IDE: variants seen among roughly 807,000 people sequenced by gnomAD.
IDE encodes the protein insulin-degrading enzyme.
Under a neutral mutation model 133.2 loss-of-function variants are expected in IDE, and 58 were observed. The ratio of observed to expected loss-of-function variants is 0.44; its 90% confidence interval spans 0.35 to 0.54. The LOEUF is 0.54. Among genes scored for constraint, IDE ranks in the 20% least tolerant of loss-of-function variants. IDE has a pLI of 0.00. For missense variants in IDE, 981 were observed against 1,234.0 expected, an observed-to-expected ratio of 0.79 and a Z score of 3.07; for synonymous variants, 396 against 421.3, an observed-to-expected ratio of 0.94 and a Z score of 0.73.
In IDE at chr10:92,453,050, A is replaced by T. The variant is rs1844827135; in HGVS notation, c.*1394T>A. On this transcript the variant is annotated 3_prime_UTR_variant, in exon 25 of 25. Transcript: ENST00000265986. ...AAAACTTAAGATGTGAAAAGGTATG[A>T]CTTTACAGAAGAAAGTCCTAGCCAA... 6.6e-6 allele frequency: 1 copy of T among 152,196 alleles called. No individual in the cohort carries two copies. The highest frequency in any genetic ancestry group is 2.4e-5 in the African/African-American group (1 of 41,450). 9.4% of individuals were successfully genotyped at this position (152,196 alleles called of 1,614,324 possible).
chr10:92,505,020 TC>T (rs576599903), intron 10 of IDE, 123 bp from the exon 11 acceptor site: 62 of 530,756 alleles, frequency 1.2e-4, no homozygotes, highest in African/African-American at 1.1e-3. Context: ...TAAATTTTAC[TC>T]CATTGGAAAA....
At chr10:92,503,821 C>T (rs1284811955) in intron 11 of IDE, among the ~76,000 whole-genome samples, 3 of 151,282 alleles carry the variant, frequency 2.0e-5, no homozygotes, top group Non-Finnish European at 4.4e-5. Flanking sequence ...TGGGTTCAAG[C>T]GATTCTCCTG....
chr10:92,535,127 G>A (rs1315321411), intron 2 of IDE, among the ~76,000 whole-genome samples: 1 of 151,856 alleles, frequency 6.6e-6, no homozygotes, highest in Admixed American at 6.6e-5. Flanking sequence ...TTTTTGAGAC[G>A]GAGTCTTGCT....
chr10:92,553,199 G>A (rs746048792), intron 1 of IDE, among the ~76,000 whole-genome samples: 64 of 152,062 alleles, frequency 4.2e-4, no homozygotes, highest in African/African-American at 1.1e-3. Context: ...TGAGGAAGGC[G>A]GATCACCTGA....
intron 1 of IDE, chr10:92,572,938 G>T: frequency 1.0e-6 from 1 of 985,216 alleles, no homozygotes. Flanking sequence ...AATTCCCGTG[G>T]CATCCCAATC....
chr10:92,568,401 T>C (rs1481489764), intron 1 of IDE, among the ~76,000 whole-genome samples: 1 of 152,058 alleles, frequency 6.6e-6, no homozygotes, highest in African/African-American at 2.4e-5. Context: ...TCAGAAAAGT[T>C]TGCAATAAAG....
In IDE at chr10:92,470,678, T is replaced by C. The variant is rs184920240; in HGVS notation, c.2117-333A>G. On this transcript the variant is annotated intron_variant, in intron 17 of 24. Transcript: ENST00000265986. ...CTCTGACAGTTTCTCAGTCCTTCCATATATTTCATGATCTTAAGACTTTTG... is the reference window on the plus strand; with the variant it reads ...CTCTGACAGTTTCTCAGTCCTTCCACATATTTCATGATCTTAAGACTTTTG... Among the ~76,000 whole-genome samples the C allele has an allele frequency of 1.5e-3, 233 of 152,348 alleles. 2 individuals carry two copies. The highest frequency in any genetic ancestry group is 2.4e-3 in the Non-Finnish European group (166 of 68,038).
At chr10:92,550,517 G>A (rs1002299279) in intron 1 of IDE, among the ~76,000 whole-genome samples, 1 of 131,584 alleles carries the variant, frequency 7.6e-6, no homozygotes, top group Non-Finnish European at 1.8e-5. Context: ...CGGGTGTGGT[G>A]GCAGGTGCCT....
At chr10:92,546,139 G>C (rs770225884) in intron 1 of IDE, among the ~76,000 whole-genome samples, 20 of 152,172 alleles carry the variant, frequency 1.3e-4, no homozygotes, top group Non-Finnish European at 2.2e-4. Flanking sequence ...AAAGAGGCTA[G>C]ACACAAAAGA....
rs548379215 is a variant in IDE at position 92,550,956 on chromosome 10, G to A, written c.99-13406C>T. 9.2e-5 allele frequency among the ~76,000 whole-genome samples: 14 copies of A among 152,320 alleles called. No homozygotes were observed. In the South Asian group the frequency reaches 2.7e-3, roughly 29 times the overall value. On this transcript the variant is annotated intron_variant, in intron 1 of 24. Transcript: ENST00000265986. ...CTGGAACCTGTGCACACTTGCTAGT[G>A]GGAATACAAAATGGTACAGCAGTAT... is the stretch of plus-strand genomic sequence containing the variant.
At chr10:92,510,800 CACATACATATCACAT>C (rs1169325240) in intron 5 of IDE, among the ~76,000 whole-genome samples, 8 of 149,018 alleles carry the variant, frequency 5.4e-5, no homozygotes, top group Non-Finnish European at 1.2e-4. Context: ...TGATATATAG[CACATACATATCACAT>C]ATATGATATA....
At chr10:92,478,119 T>G (rs1846381747) in intron 15 of IDE, among the ~76,000 whole-genome samples, 1 of 152,196 alleles carries the variant, frequency 6.6e-6, no homozygotes, top group Non-Finnish European at 1.5e-5. Context: ...TGGAAACACA[T>G]TCCAAAGAAA....
chr10:92,535,536 C>T (rs548136630), intron 2 of IDE, among the ~76,000 whole-genome samples: 1 of 152,266 alleles, frequency 6.6e-6, no homozygotes, highest in South Asian at 2.1e-4. Context: ...TTGACTCAAT[C>T]GCTTCAATAT....
intron 13 of IDE, among the ~76,000 whole-genome samples, chr10:92,484,523 A>T (rs906661956): frequency 3.3e-5 from 5 of 152,242 alleles, no homozygotes; most frequent in Middle Eastern, 3.4e-3. Flanking sequence ...ACTTGAGGCC[A>T]GGAGTTCGAG....
At chr10:92,565,467 C>G (rs932232814) in intron 1 of IDE, among the ~76,000 whole-genome samples, 1 of 150,640 alleles carries the variant, frequency 6.6e-6, no homozygotes, top group Non-Finnish European at 1.5e-5. Flanking sequence ...TTCTCAAGAC[C>G]CTATTCTCCC....
At chr10:92,539,148 G>C (rs1258793588) in intron 1 of IDE, among the ~76,000 whole-genome samples, 1 of 151,402 alleles carries the variant, frequency 6.6e-6, no homozygotes, top group Non-Finnish European at 1.5e-5. Flanking sequence ...TAAATCAAAG[G>C]GGTTTGTTGC....
intron 5 of IDE, among the ~76,000 whole-genome samples, chr10:92,511,551 A>G (rs909022743): frequency 6.6e-6 from 1 of 152,138 alleles, no homozygotes; most frequent in Non-Finnish European, 1.5e-5. Context: ...ATATTCTATG[A>G]CCCATTTGGA....
At chr10:92,540,332 A>G (rs187071409) in intron 1 of IDE, among the ~76,000 whole-genome samples, 1 of 152,332 alleles carries the variant, frequency 6.6e-6, no homozygotes, top group African/African-American at 2.4e-5. Flanking sequence ...CAGTGTGTAC[A>G]CAGTTTGTTT....
rs1386905159 is a variant in IDE at position 92,514,917 on chromosome 10, T to C, written c.784+3A>G. The C allele has an allele frequency of 1.9e-6, 3 of 1,609,570 alleles. No homozygotes were observed. The South Asian group carries it at 3.3e-5, about 18-fold the overall frequency. On this transcript the variant is annotated splice_donor_region_variant and intron_variant, in intron 5 of 24. Coordinates refer to ENST00000265986, the MANE Select transcript of IDE (RefSeq NM_004969.4). The stretch of plus-strand genomic sequence containing the variant: ...TTCTATAAAAAATTGTAAGGGTTCT[T>C]ACCTCGACCTAAAACACAAACAGCC...
Sources: gnomAD v4.1 joint callset for allele counts (sites outside exome capture counted in the v4.1 genomes callset) on GRCh38, gnomAD v4.1.1 for gene constraint, MANE v1.5 for transcripts, NCBI Gene and HGNC (gene_info 2026-07-23, HGNC 2026-07-21) for gene names.